The following XPO1 variants were observed in gnomAD, a reference collection of about 807,000 sequenced individuals.
XPO1 encodes exportin 1.
A neutral mutation model predicts 133.3 loss-of-function variants in XPO1; 5 were observed. The ratio of observed to expected loss-of-function variants is 0.04; its 90% CI spans 0.02 to 0.08. The LOEUF (loss-of-function observed/expected upper bound fraction) is 0.08, where lower values mean the gene tolerates loss of function less well. Ranked by LOEUF, XPO1 falls within the 10% of genes least tolerant of loss-of-function variation. The probability of loss-of-function intolerance (pLI) is 1.00; values close to 1 mark genes in which losing one functional copy is unlikely to be tolerated. For missense variants in XPO1, 506 were observed against 1,267.5 expected, an observed-to-expected ratio of 0.40 and a Z score of 9.12; for synonymous variants, 419 against 408.2, an observed-to-expected ratio of 1.03 and a Z score of -0.32.
At chr2:61,503,090 C>T (rs764381757) in intron 4 of XPO1, among the ~76,000 whole-genome samples, 7 of 151,354 alleles carry the variant, frequency 4.6e-5, no homozygotes, top group Non-Finnish European at 1.0e-4. Flanking sequence ...CTCAGGCTCC[C>T]GAGTACAGGC....
intron 3 of XPO1, chr2:61,525,367 G>A: frequency 1.0e-6 from 1 of 989,556 alleles, no homozygotes; most frequent in African/African-American, 1.7e-5. Context: ...GGAACATTAT[G>A]ATTAATATCA....
At chr2:61,514,473 G>C (rs754226650) in intron 4 of XPO1, among the ~76,000 whole-genome samples, 2 of 150,496 alleles carry the variant, frequency 1.3e-5, no homozygotes, top group Non-Finnish European at 3.0e-5. Flanking sequence ...CATGCCTGTA[G>C]TCTCAGCTAC....
At chr2:61,511,598 A>G (rs951912983) in intron 4 of XPO1, among the ~76,000 whole-genome samples, 2 of 152,120 alleles carry the variant, frequency 1.3e-5, no homozygotes, top group Non-Finnish European at 2.9e-5. Context: ...TTTTTAGTAG[A>G]GAGAAGTCTA....
intron 19 of XPO1, among the ~76,000 whole-genome samples, chr2:61,487,372 C>G (rs1034814389): frequency 1.3e-5 from 2 of 152,180 alleles, no homozygotes; most frequent in African/African-American, 4.8e-5. Context: ...AAATACAGTT[C>G]TGTTCACATA....
chr2:61,497,298 A>G (rs1410636943), intron 9 of XPO1, among the ~76,000 whole-genome samples: 1 of 151,672 alleles, frequency 6.6e-6, no homozygotes, highest in Non-Finnish European at 1.5e-5. Context: ...CTGCAACCTC[A>G]CCTCTTGGAT....
At chr2:61,503,904 GCA>G (rs1428833911) in intron 4 of XPO1, among the ~76,000 whole-genome samples, 2 of 152,170 alleles carry the variant, frequency 1.3e-5, no homozygotes, top group African/African-American at 4.8e-5. Context: ...GATGGCTTGG[GCA>G]CAGTGGCTTA....
At chr2:61,501,599 C>G (rs1208584232) in intron 6 of XPO1, among the ~76,000 whole-genome samples, 1 of 151,050 alleles carries the variant, frequency 6.6e-6, no homozygotes, top group East Asian at 1.9e-4. Context: ...GGTAAGCACC[C>G]GTAATTCCAG....
chr2:61,482,344 C>T (rs944313798), intron 23 of XPO1, 36 bp downstream of exon 23: 1 of 1,551,790 alleles, frequency 6.4e-7, no homozygotes, highest in African/African-American at 1.4e-5. Context: ...TGTGCCCGAC[C>T]AGGAACATTC....
At chr2:61,506,623 T>A (rs1697831552) in intron 4 of XPO1, among the ~76,000 whole-genome samples, 1 of 105,594 alleles carries the variant, frequency 9.5e-6, no homozygotes, top group Non-Finnish European at 2.0e-5. Flanking sequence ...AAATCCAATG[T>A]TAAACTGCAC....
chr2:61,515,880 G>C (rs1361481854), intron 4 of XPO1, among the ~76,000 whole-genome samples: 3 of 146,030 alleles, frequency 2.1e-5, no homozygotes, highest in Non-Finnish European at 1.5e-5. Flanking sequence ...TCAGGAGATC[G>C]AGACCATCCT....
In XPO1 at chr2:61,493,931, G is replaced by A; in HGVS notation, c.1208C>T (p.Pro403Leu). The change falls in exon 12 of 25, where the codon CCT becomes CTT. Residue 403 changes from proline (P) to leucine (L), a missense_variant. This residue lies in a region of XPO1 where 134 missense variants were observed against 261.6 expected (regional missense o/e 0.51). Transcript: ENST00000401558. ...LLSGSQHFDV[P>L]PRRQLYLPML... ...GGGCAAATATAGCTGTCTCCTGGGAGGAACATCAAAATGTTGACTTCCAGA... is the reference window on the plus strand; with the variant it reads ...GGGCAAATATAGCTGTCTCCTGGGAAGAACATCAAAATGTTGACTTCCAGA... 1.2e-6 allele frequency: 2 copies of A among 1,614,116 alleles called. No homozygotes were observed. Among genetic ancestry groups the A allele is most frequent in the Non-Finnish European group, 1.7e-6 (2 of 1,179,992 alleles).
chr2:61,484,299 G>A (rs1472759151), intron 20 of XPO1, 194 bp from the exon 21 acceptor site: 20 of 509,248 alleles, frequency 3.9e-5, no homozygotes, highest in East Asian at 6.7e-5. Context: ...GTCCCGTTAC[G>A]CACATGAGTT....
chr2:61,502,254 C>A lies in XPO1; in HGVS notation c.358G>T (p.Val120Leu). 6.2e-7 allele frequency: 1 copy of A among 1,613,072 alleles called. No individual in the cohort carries two copies. Among genetic ancestry groups the A allele is most frequent in the Non-Finnish European group, 8.5e-7 (1 of 1,179,784 alleles). The part of the protein sequence containing the change: ...IIKTSSDPTC[V>L]EKEKVYIGKL... Reference sequence around the variant, plus strand: ...GCTCCAAAATAAACTCTTACCTCTACACAAGTTGGGTCAGATGACGTCTTG... The same window carrying A: ...GCTCCAAAATAAACTCTTACCTCTAAACAAGTTGGGTCAGATGACGTCTTG... Residue 120 changes from valine (V) to leucine (L), a missense_variant, in exon 5 of 25, where the codon GTA becomes TTA. Coordinates refer to ENST00000401558, the MANE Select transcript of XPO1 (RefSeq NM_003400.4).
intron 4 of XPO1, among the ~76,000 whole-genome samples, chr2:61,513,984 A>G (rs1698225890): frequency 6.6e-6 from 1 of 152,010 alleles, no homozygotes; most frequent in Admixed American, 6.6e-5. Context: ...GGAGATAGAG[A>G]CCAGCGTGGC....
chr2:61,486,898 T>G (rs1007866577), intron 19 of XPO1, among the ~76,000 whole-genome samples: 4 of 152,000 alleles, frequency 2.6e-5, no homozygotes, highest in Admixed American at 1.3e-4. Flanking sequence ...TCCCTGGTGG[T>G]TGGGATTACA....
At chr2:61,512,567 T>C (rs1224560987) in intron 4 of XPO1, among the ~76,000 whole-genome samples, 1 of 152,220 alleles carries the variant, frequency 6.6e-6, no homozygotes, top group Middle Eastern at 3.2e-3. Flanking sequence ...ATGGCAATTC[T>C]CTATATTAGC....
chr2:61,538,599 T>TACTCA (rs1699457369), upstream of XPO1: 1 of 152,162 alleles, frequency 6.6e-6, no homozygotes, highest in African/African-American at 2.4e-5. Flanking sequence ...AGAGCAGGGA[T>TACTCA]GAGTAGAAAA....
rs185951064 is a variant in XPO1, at chr2:61,530,841, A to T, written c.126+2931T>A. On this transcript the variant is annotated intron_variant, in intron 2 of 24. Coordinates refer to ENST00000401558, the MANE Select transcript of XPO1 (RefSeq NM_003400.4). ...ATATTTTATGAGTAGCAAAAAAAAAATTTTTTTAATTTTAAGCAATGAGTA... is the reference window on the plus strand; with the variant it reads ...ATATTTTATGAGTAGCAAAAAAAAATTTTTTTTAATTTTAAGCAATGAGTA... 2.3e-3 allele frequency among the ~76,000 whole-genome samples: 349 copies of T among 152,136 alleles called. 2 individuals are homozygous for T. Among genetic ancestry groups the T allele is most frequent in the Admixed American group, 4.9e-3 (75 of 15,286 alleles).
At chr2:61,480,827 T>C (rs1247583219) in intron 24 of XPO1, among the ~76,000 whole-genome samples, 1 of 152,116 alleles carries the variant, frequency 6.6e-6, no homozygotes, top group Non-Finnish European at 1.5e-5. Context: ...AAGAAAGACA[T>C]TCTATCTAGT....
Sources: gnomAD v4.1 joint callset for allele counts (sites outside exome capture counted in the v4.1 genomes callset) on GRCh38, gnomAD v4.1.1 for gene constraint, gnomAD v4.1.1 regional missense constraint, MANE v1.5 for transcripts, NCBI Gene and HGNC (gene_info 2026-07-23, HGNC 2026-07-21) for gene names.